CACNA1C: variants seen among roughly 807,000 people sequenced by gnomAD.
CACNA1C encodes the protein voltage-dependent L-type calcium channel subunit alpha-1C.
CACNA1C carries 30 observed loss-of-function variants against 229.0 expected under a neutral mutation model. That is an observed-to-expected ratio of 0.13 (90% confidence interval 0.10 to 0.18). The LOEUF (loss-of-function observed/expected upper bound fraction) is 0.18, where lower values mean the gene tolerates loss of function less well. CACNA1C is among the 10% of genes least tolerant of loss of function. The pLI is 1.00. For synonymous variants in CACNA1C, 1,114 were observed against 1,132.5 expected (o/e 0.98, Z 0.33); for missense variants, 1,658 against 2,845.0 (o/e 0.58, Z 9.49).
intron 3 of CACNA1C, among the ~76,000 whole-genome samples, chr12:2,353,239 G>A (rs1371987819): frequency 6.6e-6 from 1 of 152,148 alleles, no homozygotes; most frequent in Non-Finnish European, 1.5e-5. Flanking sequence ...CACAGGGAGA[G>A]ATGCTGGCCT....
chr12:2,442,867 T>A (rs530084133), intron 3 of CACNA1C, among the ~76,000 whole-genome samples: 1 of 152,220 alleles, frequency 6.6e-6, no homozygotes, highest in African/African-American at 2.4e-5. Context: ...AGCTCACTTA[T>A]CTCCAAGGGG....
chr12:2,453,800 G>C (rs906949412), intron 4 of CACNA1C, among the ~76,000 whole-genome samples: 4 of 152,172 alleles, frequency 2.6e-5, no homozygotes, highest in Non-Finnish European at 5.9e-5. Flanking sequence ...CTCTGTTCCA[G>C]CTACTCCACC....
intron 6 of CACNA1C, among the ~76,000 whole-genome samples, chr12:2,492,726 G>A (rs1448874530): frequency 6.6e-6 from 1 of 152,194 alleles, no homozygotes; most frequent in African/African-American, 2.4e-5. Flanking sequence ...CTTTGCATTG[G>A]TATTGTCCTT....
chr12:2,316,772 G>T (rs1409603389), intron 3 of CACNA1C, among the ~76,000 whole-genome samples: 1 of 152,230 alleles, frequency 6.6e-6, no homozygotes, highest in Non-Finnish European at 1.5e-5. Context: ...CAGCCTGCGT[G>T]ACTGTGCGGG....
intron 43 of CACNA1C, among the ~76,000 whole-genome samples, chr12:2,683,780 G>A (rs1450837197): frequency 1.3e-5 from 2 of 152,224 alleles, no homozygotes. Context: ...CTGGGGGGCT[G>A]TGCCACCTGC....
At position 2,585,901 on chromosome 12, in the gene CACNA1C, A is replaced by G; in HGVS notation, c.2527A>G (p.Thr843Ala). 3 of 1,589,140 alleles carry G rather than the reference A, an allele frequency of 1.9e-6. No individual in the cohort carries two copies. Among genetic ancestry groups the G allele is most frequent in the South Asian group, 1.2e-5 (1 of 86,474 alleles). ...DKSPYPNPET[T>A]GEEDEEEPEM... ...GAGCCCCTACCCCAACCCAGAAACTACAGGTACCAGTCCCACTGCCTAACC... is the reference window on the plus strand; with the variant it reads ...GAGCCCCTACCCCAACCCAGAAACTGCAGGTACCAGTCCCACTGCCTAACC... Residue 843 changes from threonine (T) to alanine (A), a missense_variant, in exon 18 of 47, where the codon ACA becomes GCA. Thr to Ala is a moderately conservative substitution (Grantham distance 58). Transcript: ENST00000399655. This position sits in a 1 kb window ranked among gnomAD's most constrained non-coding sequence, Gnocchi z 4.1.
At chr12:2,675,180 A>T (rs2096741938) in intron 39 of CACNA1C, among the ~76,000 whole-genome samples, 1 of 152,220 alleles carries the variant, frequency 6.6e-6, no homozygotes, top group African/African-American at 2.4e-5. Context: ...AATTATAGGT[A>T]ATATAACTTT....
chr12:2,137,955 C>A (rs1437305771), intron 3 of CACNA1C, among the ~76,000 whole-genome samples: 1 of 151,418 alleles, frequency 6.6e-6, no homozygotes, highest in Non-Finnish European at 1.5e-5. Flanking sequence ...GCGCCCCTGC[C>A]GGGAGCTCAT....
chr12:2,264,745 G>A (rs922743768), intron 3 of CACNA1C, among the ~76,000 whole-genome samples: 1 of 152,194 alleles, frequency 6.6e-6, no homozygotes, highest in African/African-American at 2.4e-5. Context: ...GACTCCCTTG[G>A]CAGCGAGTAC....
rs758149073 is a variant in CACNA1C at position 2,260,608 on chromosome 12, G to T, written c.477+140178G>T. Among the ~76,000 whole-genome samples the T allele has an allele frequency of 5.5e-4, 84 of 152,154 alleles. 1 individual carries two copies. The highest frequency in any genetic ancestry group is 3.9e-4 in the Admixed American group (6 of 15,280). ...TCTCACTTCTGCTGGTGGGGCCCTC[G>T]GCCCGTCCTGGAGTCGGGGTAGCAT... On this transcript the variant is annotated intron_variant, in intron 3 of 46. Transcript: ENST00000399655.
At chr12:2,016,142 C>T (rs2154485285) in intron 1 of CACNA1C, among the ~76,000 whole-genome samples, 1 of 152,292 alleles carries the variant, frequency 6.6e-6, no homozygotes, top group East Asian at 1.9e-4. Flanking sequence ...GACTTCATTT[C>T]TTAGTTCGGT....
At position 2,664,850 on chromosome 12, in the gene CACNA1C, G is replaced by T; in HGVS notation, c.4258G>T (p.Asp1420Tyr). The change falls in exon 35 of 47, where the codon GAC becomes TAC. Residue 1420 changes from aspartate to tyrosine, a missense_variant. Physicochemically the swap from Asp to Tyr is radical, Grantham distance 160. Coordinates refer to ENST00000399655, the MANE Select transcript of CACNA1C (RefSeq NM_000719.7). ...FRCATGEAWQ[D>Y]IMLACMPGKK... is the part of the protein sequence containing the mutation. ...GTGTGCCACCGGGGAGGCCTGGCAG[G>T]ACATCATGCTGGCCTGCATGCCAGG... 2 of 1,605,500 alleles carry T rather than the reference G, an allele frequency of 1.2e-6. No homozygotes were observed. Among genetic ancestry groups the T allele is most frequent in the Non-Finnish European group, 1.7e-6 (2 of 1,174,804 alleles).
At chr12:2,177,267 G>A (rs922617234) in intron 3 of CACNA1C, among the ~76,000 whole-genome samples, 1 of 152,164 alleles carries the variant, frequency 6.6e-6, no homozygotes, top group African/African-American at 2.4e-5. Flanking sequence ...TCAGGTAGCT[G>A]CTCCCGTTGT....
intron 3 of CACNA1C, among the ~76,000 whole-genome samples, chr12:2,135,746 A>T (rs530721946): frequency 6.9e-6 from 1 of 145,670 alleles, no homozygotes; most frequent in Admixed American, 6.8e-5. Context: ...TGCAGAAGTT[A>T]CTGCTGTCTT....
chr12:2,230,776 C>T (rs561613754), intron 3 of CACNA1C, among the ~76,000 whole-genome samples: 4 of 152,292 alleles, frequency 2.6e-5, no homozygotes, highest in African/African-American at 4.8e-5. Context: ...AACCCTTCTC[C>T]GGTGCTTATT....
At chr12:2,500,588 G>A (rs549683583) in intron 7 of CACNA1C, among the ~76,000 whole-genome samples, 75 of 152,306 alleles carry the variant, frequency 4.9e-4, no homozygotes, top group Admixed American at 1.5e-3. Flanking sequence ...TGGTGAGCAC[G>A]TCGTGGCCTC....
chr12:2,688,794 G>T lies in CACNA1C; in HGVS notation c.6117+15G>T, dbSNP rs1434693338. 6.7e-7 allele frequency: 1 copy of T among 1,491,784 alleles called. No homozygotes were observed. The allele number at this position is 1,491,784 out of a possible 1,614,324, so 92.4% of individuals were successfully genotyped here. On this transcript the variant is annotated intron_variant, in intron 46 of 46. Coordinates refer to ENST00000399655, the MANE Select transcript of CACNA1C (RefSeq NM_000719.7). ...TGGTGGAAGCGGTAGGTGACTCGCA[G>T]ATGGGCAGGGGGGAGAGGCCACGGG...
intron 3 of CACNA1C, among the ~76,000 whole-genome samples, chr12:2,159,893 C>T (rs928201253): frequency 1.8e-4 from 28 of 152,310 alleles, no homozygotes; most frequent in Non-Finnish European, 2.8e-4. Flanking sequence ...CGTGAGCCAC[C>T]GCTCCTGGCC....
intron 3 of CACNA1C, among the ~76,000 whole-genome samples, chr12:2,350,160 T>G (rs143342182): frequency 6.6e-6 from 1 of 152,280 alleles, no homozygotes; most frequent in Non-Finnish European, 1.5e-5. Context: ...GTGCCTTCTC[T>G]CACAACACTA....
Sources: gnomAD v4.1 joint callset for allele counts (sites outside exome capture counted in the v4.1 genomes callset) on GRCh38, gnomAD v4.1.1 for gene constraint, Gnocchi (gnomAD v3.1) non-coding constraint, MANE v1.5 for transcripts, NCBI Gene and HGNC (gene_info 2026-07-23, HGNC 2026-07-21) for gene names.